Variants in WDR93 observed in about 807,000 individuals in gnomAD.
WDR93 encodes the protein WD repeat-containing protein 93.
A neutral mutation model predicts 82.9 loss-of-function variants in WDR93; 73 were observed. The observed-to-expected ratio is 0.88, with a 90% CI of 0.73 to 1.07. WDR93 has a LOEUF of 1.07. Among genes scored for constraint, WDR93 ranks in the 50% least tolerant of loss-of-function variants. The pLI is 0.00. For synonymous variants in WDR93, 283 were observed against 300.1 expected (o/e 0.94, Z 0.59); for missense variants, 738 against 826.0 (o/e 0.89, Z 1.31).
chr15:89,705,379 A>AG (rs987796574), intron 3 of WDR93, 175 bp from the exon 4 acceptor site: 1 of 623,052 alleles, frequency 1.6e-6, no homozygotes, highest in African/African-American at 1.9e-5. Context: ...AACATTCAAG[A>AG]GGGGTGGAGG....
At chr15:89,696,580 G>A (rs757956404) in intron 1 of WDR93, among the ~76,000 whole-genome samples, 5 of 151,974 alleles carry the variant, frequency 3.3e-5, no homozygotes, top group African/African-American at 7.3e-5. Context: ...CTGCAGCCTT[G>A]ACCTCCCTGG....
At chr15:89,739,483 ACT>A (rs1238204212) in intron 16 of WDR93, among the ~76,000 whole-genome samples, 1 of 152,090 alleles carries the variant, frequency 6.6e-6, no homozygotes, top group African/African-American at 2.4e-5. Flanking sequence ...TCCTGCAAGC[ACT>A]GTTTTCTTGC....
chr15:89,704,893 C>T (rs530014975), intron 3 of WDR93: 1 of 152,838 alleles, frequency 6.5e-6, no homozygotes, highest in South Asian at 2.1e-4. Flanking sequence ...TGAATCTGTA[C>T]TGGGTTGAGT....
intron 4 of WDR93, among the ~76,000 whole-genome samples, chr15:89,709,963 A>C (rs1327187823): frequency 6.6e-6 from 1 of 152,098 alleles, no homozygotes; most frequent in Non-Finnish European, 1.5e-5. Flanking sequence ...GAACAAGACC[A>C]TCCTGGCTAA....
At chr15:89,733,814 T>C (rs62023383) in intron 13 of WDR93, among the ~76,000 whole-genome samples, 1 of 152,168 alleles carries the variant, frequency 6.6e-6, no homozygotes, top group East Asian at 1.9e-4. Flanking sequence ...TTATACATTA[T>C]CCAGTTTCAG....
chr15:89,737,552 C>T, intron 14 of WDR93, 21 bp from the exon 15 acceptor site: 1 of 1,614,076 alleles, frequency 6.2e-7, no homozygotes, highest in Admixed American at 1.7e-5. Flanking sequence ...AAGCCCCCCT[C>T]ACCATCTCTT....
intron 14 of WDR93, among the ~76,000 whole-genome samples, chr15:89,737,225 G>A (rs1967271513): frequency 6.6e-6 from 1 of 152,210 alleles, no homozygotes; most frequent in Admixed American, 6.5e-5. Flanking sequence ...TGAGGCAGTG[G>A]GAAGGAAAGG....
chr15:89,735,584 C>G, intron 14 of WDR93, 31 bp downstream of exon 14: 2 of 1,596,960 alleles, frequency 1.3e-6, no homozygotes, highest in Middle Eastern at 1.7e-4. Flanking sequence ...TGTAAATGCC[C>G]CATGCCTCTC....
At chr15:89,691,918 G>C (rs1300086878) in intron 1 of WDR93, among the ~76,000 whole-genome samples, 1 of 152,112 alleles carries the variant, frequency 6.6e-6, no homozygotes, top group East Asian at 1.9e-4. Context: ...TTGACAAATA[G>C]ACCCTCATAA....
chr15:89,741,859 C>A (rs1353061970), intron 16 of WDR93, among the ~76,000 whole-genome samples: 2 of 151,942 alleles, frequency 1.3e-5, no homozygotes, highest in Non-Finnish European at 2.9e-5. Flanking sequence ...TCAAGTGATT[C>A]TCCTGCCTCA....
rs145378683 is a variant in WDR93 at position 89,694,519 on chromosome 15, G to A, written c.-41+3662G>A. ...CAAAGTGCTGGGATTACAGGCGTGA[G>A]CCACTGCACCCGGCCGGGTTACTTC... On this transcript the variant is annotated intron_variant, in intron 1 of 16. Coordinates refer to ENST00000268130, the MANE Select transcript of WDR93 (RefSeq NM_020212.2). Among the ~76,000 whole-genome samples, 2,492 of 152,214 alleles carry A rather than the reference G, an allele frequency of 0.016. 184 individuals carry two copies. In the East Asian group the frequency reaches 0.22, roughly 13 times the overall value.
chr15:89,737,238 T>C (rs79974759), intron 14 of WDR93, among the ~76,000 whole-genome samples: 2,479 of 152,184 alleles, frequency 0.016, 72 homozygotes, highest in African/African-American at 0.056. Context: ...AGGAAAGGCA[T>C]TGGGAGCACA....
Position 89,702,936 on chromosome 15 carries a change from C to A in WDR93, c.304-14C>A. 1.2e-6 allele frequency: 2 copies of A among 1,608,890 alleles called. No homozygotes were observed. The highest frequency in any genetic ancestry group is 3.4e-5 in the Admixed American group (2 of 58,586). The stretch of plus-strand genomic sequence containing the variant: ...GTGACAACTGAAAATAATATTTTTT[C>A]TTTGTTTTCCCAGCTCAACAAAATG... On this transcript the variant is annotated splice_polypyrimidine_tract_variant and intron_variant, in intron 2 of 16. Coordinates refer to ENST00000268130, the MANE Select transcript of WDR93 (RefSeq NM_020212.2).
intron 15 of WDR93, 106 bp from the exon 16 acceptor site, chr15:89,737,935 C>T: frequency 7.3e-7 from 1 of 1,375,768 alleles, no homozygotes; most frequent in South Asian, 1.4e-5. Flanking sequence ...ACCCAGATGA[C>T]CCAGCCTTTA....
chr15:89,703,170 C>T lies in WDR93; in HGVS notation c.496+28C>T, dbSNP rs183370937. ...ATTGTTCTTCATCTTCCTTTTTAGCCTCATTTACAGGTACCTGTAGACTGT... is the reference window on the plus strand; with the variant it reads ...ATTGTTCTTCATCTTCCTTTTTAGCTTCATTTACAGGTACCTGTAGACTGT... On this transcript the variant is annotated intron_variant, in intron 3 of 16. Transcript: ENST00000268130. The T allele has an allele frequency of 4.7e-5, 76 of 1,612,770 alleles. 1 individual carries two copies. The East Asian group carries it at 1.5e-3, about 33-fold the overall frequency.
At chr15:89,734,392 T>G (rs1206338173) in intron 13 of WDR93, among the ~76,000 whole-genome samples, 2 of 152,278 alleles carry the variant, frequency 1.3e-5, no homozygotes, top group East Asian at 3.9e-4. Context: ...CCAGTGCACC[T>G]CGGTTTTCCT....
intron 1 of WDR93, among the ~76,000 whole-genome samples, chr15:89,694,423 C>G (rs929372544): frequency 3.5e-4 from 53 of 151,898 alleles, no homozygotes; most frequent in Admixed American, 2.8e-3. Context: ...TTTTAGTAGA[C>G]ATGGGGTTTC....
At chr15:89,739,206 A>G (rs1301167159) in intron 16 of WDR93, among the ~76,000 whole-genome samples, 1 of 151,986 alleles carries the variant, frequency 6.6e-6, no homozygotes, top group Non-Finnish European at 1.5e-5. Flanking sequence ...TATCCAGTCC[A>G]CTGCCTGGTT....
Sources: gnomAD v4.1 joint callset for allele counts (sites outside exome capture counted in the v4.1 genomes callset) on GRCh38, gnomAD v4.1.1 for gene constraint, MANE v1.5 for transcripts, NCBI Gene and HGNC (gene_info 2026-07-23, HGNC 2026-07-21) for gene names.